Variants in DUOX1 observed in about 807,000 individuals in gnomAD.
DUOX1 encodes the protein dual oxidase 1, also known as NADPH thyroid oxidase 1.
In DUOX1, 134 loss-of-function variants were observed where a neutral mutation model predicts 181.8. The ratio of observed to expected loss-of-function variants is 0.74; its 90% confidence interval spans 0.64 to 0.85. The LOEUF (loss-of-function observed/expected upper bound fraction) is 0.85. Among genes scored for constraint, DUOX1 ranks in the 40% least tolerant of loss-of-function variants. The pLI is 0.00. For missense variants in DUOX1, 1,814 were observed against 2,064.4 expected (o/e 0.88, Z 2.35); for synonymous variants, 798 against 832.5 (o/e 0.96, Z 0.71).
intron 21 of DUOX1, among the ~76,000 whole-genome samples, chr15:45,149,234 G>T (rs2467821): frequency 0.64 from 97,077 of 152,044 alleles, 32,229 homozygotes; most frequent in Non-Finnish European, 0.74. Context: ...AGAGGGGCAA[G>T]TTAGATAAGA....
intron 26 of DUOX1, 32 bp downstream of exon 26, chr15:45,153,511 T>G (rs745852683): frequency 1.4e-6 from 1 of 737,352 alleles, no homozygotes; most frequent in East Asian, 3.3e-5. Flanking sequence ...TGTGTGTGTG[T>G]GTGTGTGTGT....
At chr15:45,137,360 C>CAAAAAAA (rs748162336) in intron 9 of DUOX1, among the ~76,000 whole-genome samples, 56 of 46,238 alleles carry the variant, frequency 1.2e-3, no homozygotes, top group African/African-American at 1.8e-3. Context: ...AACTCCATCT[C>CAAAAAAA]AAAAAAAAAA....
chr15:45,158,888 G>C (rs2141302799), intron 28 of DUOX1, among the ~76,000 whole-genome samples: 1 of 152,184 alleles, frequency 6.6e-6, no homozygotes, highest in African/African-American at 2.4e-5. Context: ...ACTTGATATA[G>C]GATTAATTGC....
At chr15:45,131,865 T>C (rs1896164299) in intron 1 of DUOX1, 53 bp from the exon 2 acceptor site, 2 of 1,304,150 alleles carry the variant, frequency 1.5e-6, no homozygotes, top group Non-Finnish European at 2.2e-6. Context: ...GCAGAGTCTT[T>C]CACCTGATTC....
rs375977155 is a variant in DUOX1 at position 45,141,080 on chromosome 15, G to C, written c.1565+10G>C. The C allele has an allele frequency of 1.2e-6, 2 of 1,614,110 alleles. No homozygotes were observed. The highest frequency in any genetic ancestry group is 2.7e-5 in the African/African-American group (2 of 74,936). ...AGAACACCAGGAATGGGTAAGGCGTGCTGGGCCTCCGCCTCAGGCTCTACC... is the reference window on the plus strand; with the variant it reads ...AGAACACCAGGAATGGGTAAGGCGTCCTGGGCCTCCGCCTCAGGCTCTACC... On this transcript the variant is annotated intron_variant, in intron 13 of 33. Transcript: ENST00000389037.
rs1277307298 is a variant in DUOX1, at chr15:45,147,473, T to C, written c.2363T>C (p.Leu788Pro). The change falls in exon 19 of 34, where the codon CTG becomes CCG. Residue 788 changes from leucine (L) to proline (P), a missense_variant. Coordinates refer to ENST00000389037, the MANE Select transcript of DUOX1 (RefSeq NM_175940.3). ...CAGGCCGACGCAGGGACCCTGCCCCTGGACTCCTCCCAGAAGGTGCGGGAG... is the reference window on the plus strand; with the variant it reads ...CAGGCCGACGCAGGGACCCTGCCCCCGGACTCCTCCCAGAAGGTGCGGGAG... ...INQADAGTLP[L>P]DSSQKVREAL... 1.2e-6 allele frequency: 2 copies of C among 1,614,012 alleles called. No individual in the cohort carries two copies. The highest frequency in any genetic ancestry group is 1.7e-6 in the Non-Finnish European group (2 of 1,179,960).
chr15:45,152,267 G>T lies in DUOX1; in HGVS notation c.3194-19G>T. Reference sequence around the variant, plus strand: ...CCTCTGCACTGACCCTCGCTTGCCTGCCTGGGCCCCCTCCACAGACTACGC... The same window carrying T: ...CCTCTGCACTGACCCTCGCTTGCCTTCCTGGGCCCCCTCCACAGACTACGC... On this transcript the variant is annotated intron_variant, in intron 24 of 33. Coordinates refer to ENST00000389037, the MANE Select transcript of DUOX1 (RefSeq NM_175940.3). 6.2e-7 allele frequency: 1 copy of T among 1,607,662 alleles called. No individual in the cohort carries two copies. Among genetic ancestry groups the T allele is most frequent in the Non-Finnish European group, 8.5e-7 (1 of 1,176,160 alleles).
chr15:45,131,176 C>T (rs899845775), intron 1 of DUOX1, among the ~76,000 whole-genome samples: 4 of 152,156 alleles, frequency 2.6e-5, no homozygotes, highest in Non-Finnish European at 2.9e-5. Context: ...AGGTCTTCGC[C>T]GGCTTTAGGT....
chr15:45,157,617 A>G (rs1468652358), intron 28 of DUOX1, among the ~76,000 whole-genome samples: 1 of 152,038 alleles, frequency 6.6e-6, no homozygotes, highest in Non-Finnish European at 1.5e-5. Flanking sequence ...CCAGGAGCTC[A>G]AGACCAGCCT....
At chr15:45,137,647 A>T (rs58696933) in intron 9 of DUOX1, among the ~76,000 whole-genome samples, 2 of 152,144 alleles carry the variant, frequency 1.3e-5, no homozygotes, top group Admixed American at 1.3e-4. Flanking sequence ...GTATATATAT[A>T]TTTTATATGT....
rs752319592 is a variant in DUOX1 at position 45,151,191 on chromosome 15, T to C, written c.2957T>C (p.Leu986Pro). Residue 986 changes from leucine (L) to proline (P), a missense_variant, in exon 23 of 34, where the codon CTG (leucine) becomes CCG (proline). Physicochemically the swap from Leu to Pro is moderately conservative, Grantham distance 98 (BLOSUM62 -3). Around this residue, in one of 5 missense-constraint regions of DUOX1, gnomAD observed 1,064 missense variants for 1,152.9 expected, o/e 0.92. Coordinates refer to ENST00000389037, the MANE Select transcript of DUOX1 (RefSeq NM_175940.3). ...DIETELTPQRLQCPMDTDPPQ... is the reference protein window; with the variant it reads ...DIETELTPQRPQCPMDTDPPQ... ...GAGACTGAGTTGACACCTCAGAGAC[T>C]GCAGTGCCCCATGGACACAGACCCT... 9.0e-5 allele frequency: 146 copies of C among 1,614,212 alleles called. No individual in the cohort carries two copies. The East Asian group carries it at 2.9e-3, about 32-fold the overall frequency.
chr15:45,161,141 C>T, intron 29 of DUOX1, 151 bp downstream of exon 29: 1 of 1,200,574 alleles, frequency 8.3e-7, no homozygotes, highest in Non-Finnish European at 1.2e-6. Context: ...GGGCAAGGCG[C>T]AGTGGCTCAC....
In DUOX1 at chr15:45,152,336, G is replaced by T; in HGVS notation, c.3244G>T (p.Gly1082Ter). ...GGGCATCACAGACACCACCCGCGTGGGAATCATCCTGTCGCGGGGCACAGC... is the reference window on the plus strand; with the variant it reads ...GGGCATCACAGACACCACCCGCGTGTGAATCATCCTGTCGCGGGGCACAGC... ...HTGITDTTRV[G>*]IILSRGTAAS... Residue 1082 changes from glycine to a stop codon, truncating the protein, a stop_gained, in exon 25 of 34, where the codon GGA becomes TGA. Coordinates refer to ENST00000389037, the MANE Select transcript of DUOX1 (RefSeq NM_175940.3). LOFTEE classifies it high-confidence loss of function. 6.2e-7 allele frequency: 1 copy of T among 1,614,160 alleles called. No homozygotes were observed. Among genetic ancestry groups the T allele is most frequent in the Non-Finnish European group, 8.5e-7 (1 of 1,180,022 alleles).
intron 20 of DUOX1, 80 bp from the exon 21 acceptor site, chr15:45,148,192 G>A (rs1896704796): frequency 1.3e-6 from 2 of 1,590,434 alleles, no homozygotes; most frequent in Non-Finnish European, 1.7e-6. Flanking sequence ...CAGAGAACTT[G>A]GTGCGATGGA....
chr15:45,141,889 C>T (rs1003316642), intron 14 of DUOX1, 86 bp from the exon 15 acceptor site: 1 of 1,498,236 alleles, frequency 6.7e-7, no homozygotes, highest in Non-Finnish European at 8.9e-7. Flanking sequence ...CCCCCACCCC[C>T]TTTCTGCCAC....
chr15:45,162,061 C>A, intron 30 of DUOX1, 91 bp downstream of exon 30: 3 of 1,464,430 alleles, frequency 2.0e-6, no homozygotes, highest in South Asian at 2.5e-5. Flanking sequence ...TCTGTGCCTC[C>A]CCTCTCTGCA....
intron 9 of DUOX1, among the ~76,000 whole-genome samples, chr15:45,137,711 G>A (rs1217446446): frequency 1.3e-5 from 2 of 152,162 alleles, no homozygotes; most frequent in East Asian, 3.9e-4. Context: ...GTGTGTTAAT[G>A]AGCTATGAGT....
intron 29 of DUOX1, among the ~76,000 whole-genome samples, chr15:45,161,251 C>CAA (rs112900167): frequency 2.4e-3 from 348 of 147,162 alleles, no homozygotes; most frequent in African/African-American, 7.2e-3. Context: ...GTCTCTACCA[C>CAA]AAAAAAAAAA....
chr15:45,161,806 G>T lies in DUOX1; in HGVS notation c.3925G>T (p.Ala1309Ser), dbSNP rs372386695. The T allele has an allele frequency of 1.9e-6, 3 of 1,613,436 alleles. No homozygotes were observed. The highest frequency in any genetic ancestry group is 2.5e-6 in the Non-Finnish European group (3 of 1,179,896). ...CAAGTCAGGGCAGTGGGTGCGGATCGCTTGCCTGGCTCTGGGGACCACCGA... is the reference window on the plus strand; with the variant it reads ...CAAGTCAGGGCAGTGGGTGCGGATCTCTTGCCTGGCTCTGGGGACCACCGA... ...EYKSGQWVRI[A>S]CLALGTTEYH... The change falls in exon 30 of 34, where the codon GCT (alanine) becomes TCT (serine). Residue 1309 changes from alanine to serine, a missense_variant. Around this residue, in one of 5 missense-constraint regions of DUOX1, gnomAD observed 279 missense variants for 381.9 expected, o/e 0.73. Coordinates refer to ENST00000389037, the MANE Select transcript of DUOX1 (RefSeq NM_175940.3).
Sources: allele counts gnomAD v4.1 joint callset (sites outside exome capture counted in the v4.1 genomes callset), GRCh38; gene constraint gnomAD v4.1.1; regional missense constraint gnomAD v4.1.1; transcripts MANE v1.5; gene names NCBI Gene and HGNC (gene_info 2026-07-23, HGNC 2026-07-21).